The following ASXL1 variants were observed in gnomAD, a reference collection of about 807,000 sequenced individuals.
ASXL1 encodes the protein ASXL transcriptional regulator 1.
A neutral mutation model predicts 89.1 loss-of-function variants in ASXL1; 65 were observed. That is an observed-to-expected ratio of 0.73 (90% CI 0.60 to 0.90). The LOEUF (loss-of-function observed/expected upper bound fraction) is 0.90, where lower values mean the gene tolerates loss of function less well. ASXL1 is among the 40% of genes least tolerant of loss of function. The probability of loss-of-function intolerance (pLI) is 0.00; values close to 1 mark genes in which losing one functional copy is unlikely to be tolerated. For missense variants in ASXL1, 1,786 were observed against 1,942.9 expected, an observed-to-expected ratio of 0.92 and a Z score of 1.52; for synonymous variants, 739 against 746.9, an observed-to-expected ratio of 0.99 and a Z score of 0.17.
chr20:32,384,292 C>T (rs578231690), intron 4 of ASXL1, among the ~76,000 whole-genome samples: 195 of 150,570 alleles, frequency 1.3e-3, no homozygotes, highest in African/African-American at 4.6e-3. Flanking sequence ...CTGCAACCTC[C>T]GCCTCCTGGG....
At chr20:32,434,367 G>A in intron 12 of ASXL1, 65 bp from the exon 13 acceptor site, 1 of 1,573,464 alleles carries the variant, frequency 6.4e-7, no homozygotes, top group Non-Finnish European at 8.7e-7. Context: ...TCCTAGTTTT[G>A]CTTTACAGTC....
At position 32,436,009 on chromosome 20, in the gene ASXL1, C is replaced by G. The variant is rs1228362478; in HGVS notation, c.3297C>G (p.Ser1099=). The G allele has an allele frequency of 6.2e-7, 1 of 1,614,046 alleles. No individual in the cohort carries two copies. The highest frequency in any genetic ancestry group is 1.3e-5 in the African/African-American group (1 of 74,912). ...PRAVCLSMPG[S]SVEATNPLVM... ...CCGTGTGCCTGTCCATGCCTGGGTCCTCAGTGGAGGCCACTAACCCACTTG... is the reference window on the plus strand; with the variant it reads ...CCGTGTGCCTGTCCATGCCTGGGTCGTCAGTGGAGGCCACTAACCCACTTG... The change falls in exon 13 of 13, where the codon TCC becomes TCG. Residue 1099 remains serine, a synonymous_variant. Transcript: ENST00000375687.
intron 4 of ASXL1, among the ~76,000 whole-genome samples, chr20:32,415,383 C>T (rs140420781): frequency 0.018 from 2,678 of 152,206 alleles, 40 homozygotes; most frequent in Non-Finnish European, 0.026. Context: ...TTGAGCTGTG[C>T]CTCTAGTCTT....
At chr20:32,373,098 T>A (rs2048326274) in intron 4 of ASXL1, among the ~76,000 whole-genome samples, 1 of 148,300 alleles carries the variant, frequency 6.7e-6, no homozygotes, top group Non-Finnish European at 1.5e-5. Flanking sequence ...TTTGATGGGC[T>A]GGGCGCAGTG....
intron 4 of ASXL1, among the ~76,000 whole-genome samples, chr20:32,401,561 C>CCCCCCT (rs796953849): frequency 7.3e-6 from 1 of 137,920 alleles, no homozygotes; most frequent in African/African-American, 2.9e-5. Flanking sequence ...CCCCCCCCCC[C>CCCCCCT]TTTTTTTTTT....
intron 4 of ASXL1, among the ~76,000 whole-genome samples, chr20:32,388,596 A>G (rs918002922): frequency 1.1e-4 from 16 of 152,342 alleles, no homozygotes; most frequent in African/African-American, 3.8e-4. Context: ...TCCTAGGATA[A>G]ATGGTACTTC....
chr20:32,397,208 CCTT>C (rs1569279640), intron 4 of ASXL1, among the ~76,000 whole-genome samples: 1 of 24,950 alleles, frequency 4.0e-5, no homozygotes, highest in Non-Finnish European at 1.1e-4. Flanking sequence ...CCATGCCTGG[CCTT>C]TTTTTTTTTT....
intron 4 of ASXL1, among the ~76,000 whole-genome samples, chr20:32,382,703 T>C (rs1476541762): frequency 2.0e-5 from 3 of 151,996 alleles, no homozygotes; most frequent in Non-Finnish European, 2.9e-5. Context: ...GAAGGATTGC[T>C]TGAGCCTGGG....
chr20:32,384,875 G>A (rs1600502337), intron 4 of ASXL1, among the ~76,000 whole-genome samples: 1 of 152,030 alleles, frequency 6.6e-6, no homozygotes, highest in Non-Finnish European at 1.5e-5. Flanking sequence ...GAACAAGAAG[G>A]TTATAAATGT....
chr20:32,402,915 T>A (rs1033325995), intron 4 of ASXL1, among the ~76,000 whole-genome samples: 2 of 152,232 alleles, frequency 1.3e-5, no homozygotes, highest in Non-Finnish European at 2.9e-5. Flanking sequence ...AGCAAAAGGT[T>A]TGAATTCTTA....
chr20:32,424,946 C>G (rs564305805), intron 4 of ASXL1, among the ~76,000 whole-genome samples: 3 of 152,292 alleles, frequency 2.0e-5, no homozygotes, highest in African/African-American at 4.8e-5. Flanking sequence ...TCCCCTACCC[C>G]CCACTGCCCC....
chr20:32,421,871 T>C (rs1014531807), intron 4 of ASXL1, among the ~76,000 whole-genome samples: 86 of 138,094 alleles, frequency 6.2e-4, no homozygotes, highest in Admixed American at 4.1e-4. Flanking sequence ...CTTTTCTTTT[T>C]TTTTTTTTTT....
At chr20:32,412,877 C>CT (rs1388949593) in intron 4 of ASXL1, among the ~76,000 whole-genome samples, 1 of 151,874 alleles carries the variant, frequency 6.6e-6, no homozygotes, top group African/African-American at 2.4e-5. Context: ...CAAATGGATA[C>CT]TTTTTTTTGT....
chr20:32,408,884 T>C (rs572933187), intron 4 of ASXL1, among the ~76,000 whole-genome samples: 2 of 152,282 alleles, frequency 1.3e-5, no homozygotes, highest in African/African-American at 2.4e-5. Context: ...ATTATCATCT[T>C]TAATTTTTCT....
chr20:32,426,583 T>C (rs13039485), intron 4 of ASXL1, among the ~76,000 whole-genome samples: 30,929 of 110,602 alleles, frequency 0.28, 5,312 homozygotes, highest in East Asian at 0.69. Context: ...TTTTTTGAGA[T>C]GGAGTCTTGC....
intron 4 of ASXL1, chr20:32,372,127 G>A (rs1225597520): frequency 1.5e-6 from 2 of 1,344,636 alleles, no homozygotes; most frequent in African/African-American, 1.5e-5. Context: ...TGCTTTATGT[G>A]TGAACTGAAT....
At chr20:32,410,271 A>G (rs185871828) in intron 4 of ASXL1, among the ~76,000 whole-genome samples, 1 of 152,266 alleles carries the variant, frequency 6.6e-6, no homozygotes, top group East Asian at 1.9e-4. Flanking sequence ...TTTCCTATGC[A>G]TATGTACTTT....
chr20:32,367,653 C>T (rs1037341309), intron 2 of ASXL1, 74 bp from the exon 3 acceptor site: 1 of 778,174 alleles, frequency 1.3e-6, no homozygotes. Flanking sequence ...TATAATTGTG[C>T]TTTATTTTTG....
intron 4 of ASXL1, among the ~76,000 whole-genome samples, chr20:32,412,291 G>A (rs1183414461): frequency 6.6e-6 from 1 of 152,086 alleles, no homozygotes; most frequent in Admixed American, 6.5e-5. Context: ...CTACCTACTT[G>A]CTCAGTTTTA....
Sources: gnomAD v4.1 joint callset for allele counts (sites outside exome capture counted in the v4.1 genomes callset) on GRCh38, gnomAD v4.1.1 for gene constraint, MANE v1.5 for transcripts, NCBI Gene and HGNC (gene_info 2026-07-23, HGNC 2026-07-21) for gene names.